Variants in SGCZ observed in about 807,000 individuals in gnomAD.
The protein encoded by SGCZ is zeta-sarcoglycan.
In SGCZ, 40 loss-of-function variants were observed where a neutral mutation model predicts 41.3. The observed-to-expected ratio is 0.97, with a 90% confidence interval of 0.75 to 1.26. The LOEUF is 1.26. Ranked by LOEUF, SGCZ falls within the 50% of genes most tolerant of loss-of-function variation. The pLI is 0.00. For missense variants in SGCZ, 552 were observed against 369.8 expected, an observed-to-expected ratio of 1.49 and a Z score of -4.04; for synonymous variants, 206 against 137.5, an observed-to-expected ratio of 1.50 and a Z score of -3.49.
chr8:14,857,065 T>C (rs538381092), intron 1 of SGCZ, among the ~76,000 whole-genome samples: 1 of 152,260 alleles, frequency 6.6e-6, no homozygotes, highest in Admixed American at 6.5e-5. Flanking sequence ...CACCATCCTC[T>C]CTTAGTACTG....
intron 4 of SGCZ, among the ~76,000 whole-genome samples, chr8:14,179,881 G>GA (rs1055804868): frequency 2.8e-4 from 42 of 151,820 alleles, no homozygotes; most frequent in African/African-American, 5.6e-4. Context: ...AATAAAAAGT[G>GA]AAAAAAAATC....
At chr8:14,438,261 C>A (rs913191652) in intron 2 of SGCZ, among the ~76,000 whole-genome samples, 3 of 151,844 alleles carry the variant, frequency 2.0e-5, no homozygotes, top group South Asian at 2.1e-4. Flanking sequence ...TCATGGAATT[C>A]TCTTATTTTA....
intron 1 of SGCZ, among the ~76,000 whole-genome samples, chr8:14,844,018 T>A (rs559419336): frequency 4.0e-5 from 6 of 150,974 alleles, no homozygotes; most frequent in African/African-American, 1.5e-4. Flanking sequence ...ATATATCATA[T>A]AAATAATATT....
intron 2 of SGCZ, among the ~76,000 whole-genome samples, chr8:14,340,531 G>A (rs1344856446): frequency 1.3e-5 from 2 of 151,966 alleles, no homozygotes; most frequent in African/African-American, 4.8e-5. Flanking sequence ...TGTCTTCCTT[G>A]TCTTTTTATC....
intron 2 of SGCZ, among the ~76,000 whole-genome samples, chr8:14,463,615 G>C (rs531996579): frequency 3.3e-4 from 50 of 151,458 alleles, no homozygotes; most frequent in Non-Finnish European, 6.4e-4. Flanking sequence ...TAAAGGCACA[G>C]ACAACAAAAC....
intron 1 of SGCZ, among the ~76,000 whole-genome samples, chr8:14,864,830 G>A (rs115189970): frequency 0.024 from 3,576 of 152,038 alleles, 51 homozygotes; most frequent in Middle Eastern, 0.048. Context: ...CCTCATCAGT[G>A]TTTGTTATTT....
At chr8:14,180,877 G>C (rs1804699869) in intron 4 of SGCZ, among the ~76,000 whole-genome samples, 1 of 151,746 alleles carries the variant, frequency 6.6e-6, no homozygotes, top group Admixed American at 6.6e-5. Flanking sequence ...TACTAGATTG[G>C]TTTTACGGCA....
intron 2 of SGCZ, among the ~76,000 whole-genome samples, chr8:14,328,361 A>C (rs1002928429): frequency 1.2e-4 from 19 of 152,090 alleles, no homozygotes; most frequent in African/African-American, 4.6e-4. Flanking sequence ...AAGGTAACAG[A>C]CTCTAATGTA....
At chr8:14,490,559 C>T (rs1269118474) in intron 2 of SGCZ, among the ~76,000 whole-genome samples, 1 of 152,172 alleles carries the variant, frequency 6.6e-6, no homozygotes, top group Admixed American at 6.6e-5. Flanking sequence ...CTCTCTGTTT[C>T]ATTGATGAGT....
chr8:14,981,169 T>G (rs933673841), intron 1 of SGCZ, among the ~76,000 whole-genome samples: 1 of 152,230 alleles, frequency 6.6e-6, no homozygotes, highest in Non-Finnish European at 1.5e-5. Flanking sequence ...TGTGAAACCC[T>G]TCTATCCTTG....
In SGCZ at chr8:14,203,652, T is replaced by C. The variant is rs561717100; in HGVS notation, c.424+33940A>G. Among the ~76,000 whole-genome samples the C allele has an allele frequency of 3.1e-4, 47 of 152,308 alleles. 1 individual carries two copies. Among genetic ancestry groups the C allele is most frequent in the African/African-American group, 1.1e-3 (45 of 41,566 alleles). On this transcript the variant is annotated intron_variant, in intron 4 of 7. Transcript: ENST00000382080. The stretch of plus-strand genomic sequence containing the variant: ...GAAGATGAATAGAGGTGAAGGTCAC[T>C]GGAGGTGAGCACCACAATCCATTGC...
chr8:14,308,248 G>C (rs1301080173), intron 3 of SGCZ, among the ~76,000 whole-genome samples: 1 of 151,844 alleles, frequency 6.6e-6, no homozygotes, highest in African/African-American at 2.4e-5. Context: ...AAAATTAGAG[G>C]GAAACTATAA....
In SGCZ at chr8:14,480,011, C is replaced by T. The variant is rs116907872; in HGVS notation, c.234+74721G>A. 6.6e-4 allele frequency among the ~76,000 whole-genome samples: 100 copies of T among 152,316 alleles called. No individual in the cohort carries two copies. The East Asian group carries it at 0.01, about 16-fold the overall frequency. On this transcript the variant is annotated intron_variant, in intron 2 of 7. Transcript: ENST00000382080. ...CCACCCGCCTCGGCATCCCAAAGCA[C>T]CGGGATTACGGGCGTGAGCCACGCG...
At chr8:14,107,865 ACTT>A (rs1037349243) in intron 6 of SGCZ, among the ~76,000 whole-genome samples, 3 of 151,982 alleles carry the variant, frequency 2.0e-5, no homozygotes, top group African/African-American at 7.3e-5. Context: ...CAGGTCTTGA[ACTT>A]CTGATCTCAA....
chr8:14,251,991 T>C (rs1171503273), intron 3 of SGCZ, among the ~76,000 whole-genome samples: 1 of 152,152 alleles, frequency 6.6e-6, no homozygotes, highest in Non-Finnish European at 1.5e-5. Flanking sequence ...ATTACAGGCG[T>C]GAGCCACCGT....
At chr8:15,162,900 T>C (rs1180630517) in intron 1 of SGCZ, among the ~76,000 whole-genome samples, 1 of 152,230 alleles carries the variant, frequency 6.6e-6, no homozygotes, top group Non-Finnish European at 1.5e-5. Flanking sequence ...ACAGTCTAAA[T>C]AACTGAGATA....
intron 1 of SGCZ, among the ~76,000 whole-genome samples, chr8:14,989,157 G>C (rs997560209): frequency 2.0e-5 from 3 of 152,132 alleles, no homozygotes; most frequent in Admixed American, 6.6e-5. Flanking sequence ...AGAAGGGTCT[G>C]TGGACTACTT....
chr8:14,116,508 T>G lies in SGCZ; in HGVS notation c.548-8273A>C, dbSNP rs181707270. Reference sequence around the variant, plus strand: ...ACTAATAACCAGGTTTTACAAAAATTCACGTAAAAACTGAAAGCCTCATAA... The same window carrying G: ...ACTAATAACCAGGTTTTACAAAAATGCACGTAAAAACTGAAAGCCTCATAA... On this transcript the variant is annotated intron_variant, in intron 5 of 7. Coordinates refer to ENST00000382080, the MANE Select transcript of SGCZ (RefSeq NM_139167.4). Among the ~76,000 whole-genome samples, 747 of 152,210 alleles carry G rather than the reference T, an allele frequency of 4.9e-3. 25 individuals are homozygous for G. The highest frequency in any genetic ancestry group is 0.042 in the Admixed American group (647 of 15,268).
chr8:14,437,392 TCTTCAAACA>T lies in SGCZ; in HGVS notation c.235-113197_235-113189del, dbSNP rs202208783. Among the ~76,000 whole-genome samples the T allele has an allele frequency of 4.4e-3, 664 of 152,244 alleles. 6 individuals are homozygous for T. The highest frequency in any genetic ancestry group is 0.015 in the African/African-American group (609 of 41,566). On this transcript the variant is annotated intron_variant, in intron 2 of 7. Transcript: ENST00000382080. ...AAGCCATTCCTTCCTTTTCCAACTTTCTTCAAACACTTCAAACAAAACATCATATTGCAA... is the reference window on the plus strand; with the variant it reads ...AAGCCATTCCTTCCTTTTCCAACTTTCTTCAAACAAAACATCATATTGCAA...
Sources: gnomAD v4.1 joint callset for allele counts (sites outside exome capture counted in the v4.1 genomes callset) on GRCh38, gnomAD v4.1.1 for gene constraint, MANE v1.5 for transcripts, NCBI Gene and HGNC (gene_info 2026-07-23, HGNC 2026-07-21) for gene names.